Variants in SLC24A2 observed in about 807,000 individuals in gnomAD.
SLC24A2 encodes the protein sodium/potassium/calcium exchanger 2.
A neutral mutation model predicts 62.0 loss-of-function variants in SLC24A2; 36 were observed. The ratio of observed to expected loss-of-function variants is 0.58; its 90% CI spans 0.44 to 0.77. SLC24A2 has a LOEUF of 0.77. Among genes scored for constraint, SLC24A2 ranks in the 30% least tolerant of loss-of-function variants. The pLI is 0.00. For synonymous variants in SLC24A2, 358 were observed against 294.0 expected (o/e 1.22, Z -2.23); for missense variants, 846 against 817.9 (o/e 1.03, Z -0.42).
the SLC24A2 span, among the ~76,000 whole-genome samples, chr9:20,044,326 C>T: frequency 1.3e-5 from 2 of 152,106 alleles, no homozygotes; most frequent in African/African-American, 4.8e-5. Flanking sequence ...CCTGTATATG[C>T]TAAGCCTTAA....
intron 2 of SLC24A2, among the ~76,000 whole-genome samples, chr9:19,770,797 G>A (rs2118891563): frequency 6.6e-6 from 1 of 152,264 alleles, no homozygotes; most frequent in Middle Eastern, 3.4e-3. Flanking sequence ...GGACTGATGA[G>A]GTTAAAGATA....
At chr9:20,198,988 C>CT in the SLC24A2 span, among the ~76,000 whole-genome samples, 8 of 151,960 alleles carry the variant, frequency 5.3e-5, no homozygotes, top group East Asian at 1.4e-3. Flanking sequence ...TGAGGCACCT[C>CT]TTTTTTTTGG....
chr9:20,118,587 C>T, the SLC24A2 span, among the ~76,000 whole-genome samples: 1 of 151,514 alleles, frequency 6.6e-6, no homozygotes, highest in Non-Finnish European at 1.5e-5. Context: ...ACCAACAAAA[C>T]CTTAGGTATT....
chr9:19,511,626 G>C lies in SLC24A2; in HGVS notation c.*4527C>G, dbSNP rs1054498729. On this transcript the variant is annotated 3_prime_UTR_variant, in exon 11 of 11. Coordinates refer to ENST00000341998, the MANE Select transcript of SLC24A2 (RefSeq NM_020344.4). ...CAGTATTGTTGAGACAGGTATAGGGGTTGAGGAGGTATCTTTTAAAAATAT... is the reference window on the plus strand; with the variant it reads ...CAGTATTGTTGAGACAGGTATAGGGCTTGAGGAGGTATCTTTTAAAAATAT... The C allele has an allele frequency of 2.6e-5, 4 of 152,146 alleles. No homozygotes were observed. The highest frequency in any genetic ancestry group is 6.5e-5 in the Admixed American group (1 of 15,274). The allele number at this position is 152,146 out of a possible 1,614,324, so 9.4% of individuals were successfully genotyped here. A position where few individuals can be genotyped will look rare whatever the true frequency, so the allele number is the denominator to read the frequency against.
intron 2 of SLC24A2, among the ~76,000 whole-genome samples, chr9:19,629,583 G>C (rs1405747855): frequency 6.6e-6 from 1 of 152,312 alleles, no homozygotes; most frequent in East Asian, 1.9e-4. Flanking sequence ...GAACGGCATA[G>C]ATTTAAGTAA....
the SLC24A2 span, among the ~76,000 whole-genome samples, chr9:20,269,490 G>C: frequency 6.6e-6 from 1 of 152,124 alleles, no homozygotes; most frequent in Middle Eastern, 3.2e-3. Context: ...GGCAGGTGGG[G>C]TACAGTAAGA....
At chr9:20,130,520 T>C in the SLC24A2 span, among the ~76,000 whole-genome samples, 58 of 151,760 alleles carry the variant, frequency 3.8e-4, no homozygotes, top group African/African-American at 8.5e-4. Flanking sequence ...AGGAAAGGCT[T>C]TGGGTTGTTT....
chr9:20,102,593 G>A, the SLC24A2 span, among the ~76,000 whole-genome samples: 1 of 150,026 alleles, frequency 6.7e-6, no homozygotes, highest in Admixed American at 6.7e-5. Context: ...GTAAACCTTT[G>A]AAACAAACCT....
At chr9:19,794,115 C>T in the SLC24A2 span, among the ~76,000 whole-genome samples, 2 of 152,196 alleles carry the variant, frequency 1.3e-5, no homozygotes, top group Non-Finnish European at 2.9e-5. Context: ...ACGGAGATTT[C>T]TGCAACAGCA....
At chr9:20,044,471 C>T in the SLC24A2 span, among the ~76,000 whole-genome samples, 2 of 152,092 alleles carry the variant, frequency 1.3e-5, no homozygotes, top group Non-Finnish European at 2.9e-5. Flanking sequence ...TTTCACTTAA[C>T]ATTGGGAGGC....
At chr9:19,764,361 T>C (rs747009411) in intron 2 of SLC24A2, among the ~76,000 whole-genome samples, 1 of 152,194 alleles carries the variant, frequency 6.6e-6, no homozygotes, top group Admixed American at 6.5e-5. Context: ...ATTTGTTTGC[T>C]CTTGCTTCTC....
chr9:19,581,090 T>C (rs112898571), intron 5 of SLC24A2, among the ~76,000 whole-genome samples: 3 of 152,246 alleles, frequency 2.0e-5, no homozygotes, highest in Admixed American at 6.5e-5. Flanking sequence ...TGTAGGAGAA[T>C]TGTTGCCATC....
the SLC24A2 span, among the ~76,000 whole-genome samples, chr9:19,947,417 A>C: frequency 6.6e-6 from 1 of 151,464 alleles, no homozygotes; most frequent in Non-Finnish European, 1.5e-5. Flanking sequence ...GGAAGGAGGA[A>C]GGAAGGAAGG....
In SLC24A2 at chr9:19,786,648, T is replaced by G. The variant is rs757973271; in HGVS notation, c.219A>C (p.Val73=). 7.4e-6 allele frequency: 12 copies of G among 1,614,128 alleles called. No homozygotes were observed. In the South Asian group the frequency reaches 1.2e-4, roughly 16 times the overall value. The change falls in exon 2 of 11, where the codon GTA becomes GTC. Residue 73 remains valine (V), a synonymous_variant. Coordinates refer to ENST00000341998, the MANE Select transcript of SLC24A2 (RefSeq NM_020344.4). This position sits in a 1 kb window ranked among gnomAD's most constrained non-coding sequence, Gnocchi z 5.0. ...DTQSTGEASV[V]SGPRVAQGYH... ...AACCCTGTGCTACCCTAGGGCCACT[T>G]ACAACACTGGCCTCTCCTGTGCTCT...
In SLC24A2 at chr9:19,516,333, G is replaced by T. The variant is rs1832925806; in HGVS notation, c.1806C>A (p.Gly602=). 1 of 1,614,196 alleles carries T rather than the reference G, an allele frequency of 6.2e-7. No homozygotes were observed. The highest frequency in any genetic ancestry group is 1.3e-5 in the African/African-American group (1 of 75,058). The part of the protein sequence containing the change: ...RFQPVAVSSN[G]LFCAIVLLFI... ...AGAGAAGGACGATGGCACAGAAAAGGCCATTGCTGCTGACAGCCACTGGCT... is the reference window on the plus strand; with the variant it reads ...AGAGAAGGACGATGGCACAGAAAAGTCCATTGCTGCTGACAGCCACTGGCT... Residue 602 remains glycine, a synonymous_variant, in exon 11 of 11, where the codon GGC becomes GGA. Coordinates refer to ENST00000341998, the MANE Select transcript of SLC24A2 (RefSeq NM_020344.4).
intron 8 of SLC24A2, among the ~76,000 whole-genome samples, chr9:19,549,696 G>A (rs1277615452): frequency 6.6e-6 from 1 of 152,296 alleles, no homozygotes; most frequent in South Asian, 2.1e-4. Flanking sequence ...CCAGATGATG[G>A]TAGCCCCAAG....
the SLC24A2 span, among the ~76,000 whole-genome samples, chr9:20,022,188 T>G: frequency 5.2e-3 from 786 of 152,290 alleles, 5 homozygotes; most frequent in African/African-American, 0.017. Flanking sequence ...TAAAATGAAA[T>G]GCATCTTGTA....
chr9:20,066,664 T>A, the SLC24A2 span, among the ~76,000 whole-genome samples: 4 of 152,182 alleles, frequency 2.6e-5, no homozygotes, highest in African/African-American at 9.6e-5. Flanking sequence ...ATTAATTAAA[T>A]GGTATTTTAG....
At chr9:19,890,247 A>G in the SLC24A2 span, among the ~76,000 whole-genome samples, 1 of 152,230 alleles carries the variant, frequency 6.6e-6, no homozygotes, top group Admixed American at 6.5e-5. Context: ...TAATTTCAGA[A>G]CTGACATTGT....
Sources: allele counts gnomAD v4.1 joint callset (sites outside exome capture counted in the v4.1 genomes callset), GRCh38; gene constraint gnomAD v4.1.1; non-coding constraint Gnocchi (gnomAD v3.1); transcripts MANE v1.5; gene names NCBI Gene and HGNC (gene_info 2026-07-23, HGNC 2026-07-21).